The following VPS13C variants were observed in gnomAD, a reference collection of about 807,000 sequenced individuals.
VPS13C encodes intermembrane lipid transfer protein VPS13C.
In VPS13C, 358 loss-of-function variants were observed where a neutral mutation model predicts 456.8. The observed-to-expected ratio is 0.78, with a 90% CI of 0.72 to 0.86. The LOEUF is 0.86. Among genes scored for constraint, VPS13C ranks in the 40% least tolerant of loss-of-function variants. VPS13C has a pLI of 0.00. For synonymous variants in VPS13C, 1,578 were observed against 1,486.7 expected (o/e 1.06, Z -1.41); for missense variants, 4,818 against 4,385.4 (o/e 1.10, Z -2.79).
intron 39 of VPS13C, among the ~76,000 whole-genome samples, chr15:61,951,480 G>A (rs1253293630): frequency 1.3e-5 from 2 of 151,940 alleles, no homozygotes; most frequent in African/African-American, 2.4e-5. Context: ...TTATTCTGAG[G>A]GAAGGACATG....
chr15:61,936,487 T>C (rs1243653549), intron 48 of VPS13C, 110 bp downstream of exon 48: 2 of 1,096,972 alleles, frequency 1.8e-6, no homozygotes, highest in South Asian at 2.8e-5. Flanking sequence ...AGTAGTACAA[T>C]ACTGAATTAG....
intron 69 of VPS13C, 113 bp from the exon 70 acceptor site, chr15:61,881,941 T>C: frequency 3.3e-6 from 3 of 904,898 alleles, no homozygotes; most frequent in Non-Finnish European, 4.9e-6. Flanking sequence ...TGTCTGCGTG[T>C]ATATGCGGTG....
Position 62,034,957 on chromosome 15 carries a change from T to A in VPS13C, c.283A>T (p.Ser95Cys). Residue 95 changes from serine (S) to cysteine (C), a missense_variant and splice_region_variant, in exon 4 of 85, where the codon AGT becomes TGT. By Grantham distance (112) the Ser-to-Cys change is moderately radical. Transcript: ENST00000644861. ...ATGGTTATAACCTAAAATAACATAC[T>A]TGCTCCAGGGACAACAAGCAGGTAT... ...GLYLLVVPGA[S>C]IKYDAVKEEK... The A allele has an allele frequency of 5.0e-6, 8 of 1,588,406 alleles. No homozygotes were observed. Among genetic ancestry groups the A allele is most frequent in the Non-Finnish European group, 6.9e-6 (8 of 1,165,904 alleles).
Position 61,981,355 on chromosome 15 carries a change from A to G in VPS13C, c.2153T>C (p.Phe718Ser). The G allele has an allele frequency of 1.9e-6, 3 of 1,609,352 alleles. No homozygotes were observed. The highest frequency in any genetic ancestry group is 2.5e-6 in the Non-Finnish European group (3 of 1,178,592). The change falls in exon 22 of 85, where the codon TTT becomes TCT. Residue 718 changes from phenylalanine to serine, a missense_variant. Phe to Ser is a radical substitution (Grantham distance 155, BLOSUM62 -2). Transcript: ENST00000644861. The stretch of plus-strand genomic sequence containing the variant: ...ATATATACCTACCTGAAATGTACCA[A>G]AATCTAAAATCAGAAGATCTGACTT... ...HEKSDLLILD[F>S]GTFQLNSKDQ...
intron 35 of VPS13C, among the ~76,000 whole-genome samples, 187 bp downstream of exon 35, chr15:61,961,394 AACACACAC>A (rs66786972): frequency 0.039 from 5,225 of 132,644 alleles, 212 homozygotes; most frequent in Admixed American, 0.1. Context: ...TCCAACTCAA[AACACACAC>A]ACACACACAC....
rs968222265 is a variant in VPS13C at position 62,027,440 on chromosome 15, G to A, written c.448+918C>T. Among the ~76,000 whole-genome samples the A allele has an allele frequency of 5.3e-5, 8 of 152,062 alleles. No homozygotes were observed. The South Asian group carries it at 6.2e-4, about 12-fold the overall frequency. ...TATAAGACAACACAGGCACACTTACGGAAGGAGTAGGTTTATTAGAACGGA... is the reference window on the plus strand; with the variant it reads ...TATAAGACAACACAGGCACACTTACAGAAGGAGTAGGTTTATTAGAACGGA... On this transcript the variant is annotated intron_variant, in intron 6 of 84. Coordinates refer to ENST00000644861, the MANE Select transcript of VPS13C (RefSeq NM_020821.3).
intron 5 of VPS13C, among the ~76,000 whole-genome samples, chr15:62,030,135 A>G (rs1045697563): frequency 5.3e-5 from 8 of 152,138 alleles, no homozygotes; most frequent in African/African-American, 9.7e-5. Flanking sequence ...AAATACTATC[A>G]TTTCTCATAT....
intron 66 of VPS13C, among the ~76,000 whole-genome samples, chr15:61,899,944 A>G (rs1341877244): frequency 6.6e-6 from 1 of 152,314 alleles, no homozygotes; most frequent in East Asian, 1.9e-4. Context: ...CCTGGGATGC[A>G]AGGCTGGTTA....
At position 61,854,524 on chromosome 15, in the gene VPS13C, G is replaced by C; in HGVS notation, c.11195C>G (p.Thr3732Arg). 1 of 1,614,010 alleles carries C rather than the reference G, an allele frequency of 6.2e-7. No homozygotes were observed. The highest frequency in any genetic ancestry group is 1.1e-5 in the South Asian group (1 of 91,086). Residue 3732 changes from threonine to arginine, a missense_variant, in exon 85 of 85, where the codon ACG becomes AGG. Physicochemically the swap from Thr to Arg is moderately conservative, Grantham distance 71. This residue lies in a region of VPS13C where 261 missense variants were observed against 234.1 expected (regional missense o/e 1.11). Coordinates refer to ENST00000644861, the MANE Select transcript of VPS13C (RefSeq NM_020821.3). The stretch of plus-strand genomic sequence containing the variant: ...CTTCATCAATTTTTGCTGCTGTCTC[G>C]TTGACTGTGCATCCTCAATGGCATT... ...ACNAIEDAQS[T>R]RQQQKLMKQS...
chr15:61,991,579 G>A (rs761232921), intron 17 of VPS13C, 94 bp downstream of exon 17: 1 of 1,365,030 alleles, frequency 7.3e-7, no homozygotes, highest in African/African-American at 1.5e-5. Flanking sequence ...TATTTCAAAT[G>A]TATTTCAAAA....
At chr15:61,907,421 A>T in intron 65 of VPS13C, 31 bp from the exon 66 acceptor site, 1 of 1,608,514 alleles carries the variant, frequency 6.2e-7, no homozygotes, top group Non-Finnish European at 8.5e-7. Flanking sequence ...AGAAAATCAG[A>T]ATATCTTGGA....
At chr15:61,940,392 C>T (rs1456914006) in intron 47 of VPS13C, among the ~76,000 whole-genome samples, 1 of 152,190 alleles carries the variant, frequency 6.6e-6, no homozygotes, top group Admixed American at 6.5e-5. Flanking sequence ...GTGAGGGAAA[C>T]AAGGATGATT....
At chr15:61,939,385 C>T (rs1039445798) in intron 47 of VPS13C, among the ~76,000 whole-genome samples, 18 of 152,148 alleles carry the variant, frequency 1.2e-4, no homozygotes, top group African/African-American at 4.3e-4. Flanking sequence ...AGTATATGAA[C>T]AGAAACCCTT....
intron 5 of VPS13C, among the ~76,000 whole-genome samples, chr15:62,031,438 C>A (rs1321395007): frequency 1.3e-5 from 2 of 151,824 alleles, no homozygotes; most frequent in East Asian, 3.9e-4. Flanking sequence ...CTCTATCATT[C>A]ACATGAATAA....
At position 61,984,978 on chromosome 15, in the gene VPS13C, G is replaced by C; in HGVS notation, c.1600C>G (p.Leu534Val). 6.3e-7 allele frequency: 1 copy of C among 1,589,088 alleles called. No individual in the cohort carries two copies. The highest frequency in any genetic ancestry group is 8.5e-7 in the Non-Finnish European group (1 of 1,169,930). Residue 534 changes from leucine to valine, a missense_variant, in exon 19 of 85, where the codon CTG (leucine) becomes GTG (valine). Physicochemically the swap from Leu to Val is conservative, Grantham distance 32. This residue lies in a region of VPS13C where 4,552 missense variants were observed against 4,130.6 expected (regional missense o/e 1.10). Coordinates refer to ENST00000644861, the MANE Select transcript of VPS13C (RefSeq NM_020821.3). The part of the protein sequence containing the change: ...PKQYVAHIMT[L>V]KLVSTSVTIR... ...GTAACAGAGGTGCTTACTAACTTCA[G>C]GGTCATAATATGGGCAACATACTAT... is the stretch of plus-strand genomic sequence containing the variant.
At chr15:62,008,867 A>C in intron 13 of VPS13C, 106 bp from the exon 14 acceptor site, 1 of 531,216 alleles carries the variant, frequency 1.9e-6, no homozygotes, top group South Asian at 5.6e-5. Context: ...ACCCTGAACA[A>C]TGTTGCCTGG....
At chr15:61,914,954 T>C (rs1441896402) in intron 61 of VPS13C, among the ~76,000 whole-genome samples, 1 of 137,762 alleles carries the variant, frequency 7.3e-6, no homozygotes, top group Non-Finnish European at 1.5e-5. Context: ...TGAGAACCAC[T>C]ACTCCTGTAC....
chr15:61,993,305 C>A (rs1451982286), intron 16 of VPS13C, among the ~76,000 whole-genome samples: 1 of 151,842 alleles, frequency 6.6e-6, no homozygotes, highest in Non-Finnish European at 1.5e-5. Flanking sequence ...TTCATTGTTA[C>A]CATATTCTTA....
chr15:61,903,457 T>C (rs1326826267), intron 66 of VPS13C, among the ~76,000 whole-genome samples: 1 of 151,916 alleles, frequency 6.6e-6, no homozygotes, highest in Non-Finnish European at 1.5e-5. Context: ...GAAAAAGATT[T>C]GACCAAAATG....
Sources: gnomAD v4.1 joint callset for allele counts (sites outside exome capture counted in the v4.1 genomes callset) on GRCh38, gnomAD v4.1.1 for gene constraint, gnomAD v4.1.1 regional missense constraint, MANE v1.5 for transcripts, NCBI Gene and HGNC (gene_info 2026-07-23, HGNC 2026-07-21) for gene names.